CCDC148: variants seen among roughly 807,000 people sequenced by gnomAD.
The protein encoded by CCDC148 is coiled-coil domain-containing protein 148.
CCDC148 carries 89 observed loss-of-function variants against 85.7 expected under a neutral mutation model. That is an observed-to-expected ratio of 1.04 (90% confidence interval 0.87 to 1.24). The LOEUF (loss-of-function observed/expected upper bound fraction) is 1.24, where lower values mean the gene tolerates loss of function less well. CCDC148 is among the 50% of genes most tolerant of loss of function. CCDC148 has a pLI of 0.00. For synonymous variants in CCDC148, 230 were observed against 213.9 expected (o/e 1.08, Z -0.66); for missense variants, 692 against 671.7 (o/e 1.03, Z -0.33).
At chr2:158,285,231 C>T (rs1379116050) in intron 9 of CCDC148, among the ~76,000 whole-genome samples, 5 of 146,912 alleles carry the variant, frequency 3.4e-5, no homozygotes, top group East Asian at 2.0e-4. Flanking sequence ...GAGGTTGCAG[C>T]GAGCTGAGAT....
intron 11 of CCDC148, among the ~76,000 whole-genome samples, chr2:158,190,058 T>G (rs1227543065): frequency 6.6e-6 from 1 of 152,000 alleles, no homozygotes; most frequent in Non-Finnish European, 1.5e-5. Context: ...TAAGCCTGTC[T>G]AATTAGTCAG....
chr2:158,220,633 C>A lies in CCDC148; in HGVS notation c.1332G>T (p.Lys444Asn), dbSNP rs765985568. 1 of 1,602,198 alleles carries A rather than the reference C, an allele frequency of 6.2e-7. No homozygotes were observed. The highest frequency in any genetic ancestry group is 1.1e-5 in the South Asian group (1 of 87,750). ...TTAGTGACTGTTCAGCGATTAATTT[C>A]TTCAGTTCTTCTAGACGCTGAAGAT... ...MRDLQRLEEL[K>N]KLIAEQSLKD... Residue 444 changes from lysine (K) to asparagine (N), a missense_variant, in exon 11 of 14, where the codon AAG (lysine) becomes AAT (asparagine). Transcript: ENST00000283233.
At chr2:158,217,857 G>T (rs1247109060) in intron 11 of CCDC148, among the ~76,000 whole-genome samples, 4 of 152,168 alleles carry the variant, frequency 2.6e-5, no homozygotes, top group Admixed American at 6.5e-5. Flanking sequence ...CGGAAAAAAA[G>T]TGTCCGTAGT....
At chr2:158,336,423 GTTATTT>G (rs1255220692) in intron 7 of CCDC148, among the ~76,000 whole-genome samples, 1 of 152,062 alleles carries the variant, frequency 6.6e-6, no homozygotes, top group Non-Finnish European at 1.5e-5. Context: ...ACATTTGCAT[GTTATTT>G]TTATTTGGTT....
intron 1 of CCDC148, chr2:158,365,998 GAAGT>G (rs1684185146): frequency 1.3e-6 from 2 of 1,496,164 alleles, no homozygotes; most frequent in Non-Finnish European, 1.8e-6. Context: ...AACAGAGTTG[GAAGT>G]AAGAAAAATA....
chr2:158,294,943 T>C (rs1247882142), intron 9 of CCDC148, among the ~76,000 whole-genome samples: 2 of 152,178 alleles, frequency 1.3e-5, no homozygotes, highest in Non-Finnish European at 2.9e-5. Context: ...TCAGATTTTT[T>C]AGTTTAGACT....
intron 1 of CCDC148, among the ~76,000 whole-genome samples, chr2:158,431,812 C>T (rs537655041): frequency 6.6e-6 from 1 of 151,966 alleles, no homozygotes; most frequent in Non-Finnish European, 1.5e-5. Flanking sequence ...ATGGTGTGTG[C>T]CTGTAATCGC....
chr2:158,319,777 A>G (rs1692440950), intron 7 of CCDC148, among the ~76,000 whole-genome samples: 1 of 152,186 alleles, frequency 6.6e-6, no homozygotes, highest in Non-Finnish European at 1.5e-5. Context: ...TAGAGATGAA[A>G]GAGATATAGA....
At position 158,345,197 on chromosome 2, in the gene CCDC148, A is replaced by G. The variant is rs374141979; in HGVS notation, c.251+18T>C. 6.3e-7 allele frequency: 1 copy of G among 1,576,022 alleles called. No individual in the cohort carries two copies. The highest frequency in any genetic ancestry group is 1.1e-5 in the South Asian group (1 of 89,378). The stretch of plus-strand genomic sequence containing the variant: ...CTAGTAATTCCTACGTGTTCTTACT[A>G]TGTCCCCCAGTTCTTACCTGACTTC... On this transcript the variant is annotated intron_variant, in intron 3 of 13. Transcript: ENST00000283233.
intron 1 of CCDC148, among the ~76,000 whole-genome samples, chr2:158,401,541 TGG>T (rs1685782349): frequency 1.3e-5 from 2 of 151,994 alleles, no homozygotes; most frequent in African/African-American, 4.8e-5. Context: ...CTGGGCCTGT[TGG>T]GTGGTGGGGG....
Position 158,191,481 on chromosome 2 carries a change from A to T in CCDC148, c.1371-12485T>A, listed in dbSNP as rs561896747. 2.0e-5 allele frequency among the ~76,000 whole-genome samples: 3 copies of T among 152,164 alleles called. No homozygotes were observed. The East Asian group carries it at 5.8e-4, about 29-fold the overall frequency. On this transcript the variant is annotated intron_variant, in intron 11 of 13. Transcript: ENST00000283233. ...TCAGTGGAGCAGAACAGTTATTTTC[A>T]CAAACGCCTTCGGGGTTTTTTCTTC...
At chr2:158,176,706 A>G (rs1472863299) in intron 12 of CCDC148, 45 bp from the exon 13 acceptor site, 2 of 1,603,638 alleles carry the variant, frequency 1.2e-6, no homozygotes, top group Non-Finnish European at 1.7e-6. Context: ...GTACAAACTA[A>G]ATATTTCTGG....
intron 1 of CCDC148, among the ~76,000 whole-genome samples, chr2:158,387,029 G>A (rs1574733928): frequency 1.3e-5 from 2 of 152,150 alleles, no homozygotes. Context: ...ATATATGGTT[G>A]TGGAGTTCTG....
chr2:158,219,484 A>C (rs1023606380), intron 11 of CCDC148, among the ~76,000 whole-genome samples: 3 of 152,104 alleles, frequency 2.0e-5, no homozygotes, highest in Non-Finnish European at 2.9e-5. Flanking sequence ...GAGGAAGGGG[A>C]TTTCCTTCCT....
intron 1 of CCDC148, chr2:158,425,452 T>C: frequency 7.0e-6 from 2 of 285,296 alleles, no homozygotes; most frequent in Non-Finnish European, 1.4e-5. Flanking sequence ...TAACTGTATA[T>C]AGCTGCCAAT....
intron 12 of CCDC148, chr2:158,177,927 G>A (rs187542791): frequency 5.9e-5 from 9 of 152,132 alleles, no homozygotes; most frequent in African/African-American, 1.4e-4. Flanking sequence ...TATTGCCCAC[G>A]TCATAAAGTT....
At chr2:158,362,446 A>G (rs1037037649) in intron 1 of CCDC148, among the ~76,000 whole-genome samples, 6 of 152,188 alleles carry the variant, frequency 3.9e-5, no homozygotes, top group Non-Finnish European at 8.8e-5. Context: ...AGCAAATGCA[A>G]AAGAATGGAT....
chr2:158,242,636 T>TG (rs1243705100), intron 10 of CCDC148, among the ~76,000 whole-genome samples: 5 of 151,084 alleles, frequency 3.3e-5, no homozygotes, highest in Admixed American at 2.0e-4. Flanking sequence ...CTCTGTAGTT[T>TG]TTTTTTTTTT....
chr2:158,450,045 A>G (rs1407873492), intron 1 of CCDC148, among the ~76,000 whole-genome samples: 1 of 150,226 alleles, frequency 6.7e-6, no homozygotes, highest in African/African-American at 2.5e-5. Flanking sequence ...GCAGTTCCTG[A>G]CAAGATGATG....
Sources: gnomAD v4.1 joint callset for allele counts (sites outside exome capture counted in the v4.1 genomes callset) on GRCh38, gnomAD v4.1.1 for gene constraint, MANE v1.5 for transcripts, NCBI Gene and HGNC (gene_info 2026-07-23, HGNC 2026-07-21) for gene names.